TENM2: variants seen among roughly 807,000 people sequenced by gnomAD.
The protein encoded by TENM2 is teneurin transmembrane protein 2, also known as teneurin-2.
In TENM2, 52 loss-of-function variants were observed where a neutral mutation model predicts 245.2. The observed-to-expected ratio is 0.21, with a 90% confidence interval of 0.17 to 0.27. The LOEUF (loss-of-function observed/expected upper bound fraction) is 0.27, where lower values mean the gene tolerates loss of function less well. Among genes scored for constraint, TENM2 ranks in the 10% least tolerant of loss-of-function variants. The pLI, the probability that TENM2 is intolerant of heterozygous loss-of-function variation, is 1.00. For missense variants in TENM2, 3,046 were observed against 3,666.8 expected (o/e 0.83, Z 4.37); for synonymous variants, 1,363 against 1,438.9 (o/e 0.95, Z 1.19).
intron 3 of TENM2, among the ~76,000 whole-genome samples, chr5:167,925,938 C>T (rs1018996038): frequency 4.6e-5 from 7 of 152,090 alleles, no homozygotes; most frequent in Admixed American, 1.3e-4. Flanking sequence ...AAACAACAGA[C>T]GCTGGGGTCC....
intron 1 of TENM2, among the ~76,000 whole-genome samples, chr5:167,364,818 A>C (rs150045747): frequency 6.6e-6 from 1 of 152,124 alleles, no homozygotes; most frequent in Non-Finnish European, 1.5e-5. Flanking sequence ...GAAGGAATAA[A>C]AGACAAAGCA....
intron 2 of TENM2, among the ~76,000 whole-genome samples, chr5:167,523,134 C>G (rs753275659): frequency 1.3e-5 from 2 of 152,098 alleles, no homozygotes; most frequent in Non-Finnish European, 2.9e-5. Context: ...TAGGTCCCAG[C>G]CAGGTAATCC....
intron 2 of TENM2, among the ~76,000 whole-genome samples, chr5:167,383,180 A>G (rs1761193976): frequency 6.6e-6 from 1 of 152,152 alleles, no homozygotes; most frequent in Non-Finnish European, 1.5e-5. Context: ...AGGGATAGAA[A>G]TCAATAAATA....
the TENM2 span, among the ~76,000 whole-genome samples, chr5:167,179,863 G>T: frequency 6.6e-6 from 1 of 152,078 alleles, no homozygotes; most frequent in South Asian, 2.1e-4. Context: ...GATATTAGCT[G>T]CATGTGCAAA....
intron 2 of TENM2, among the ~76,000 whole-genome samples, chr5:167,566,805 CAG>C (rs1374871572): frequency 6.6e-6 from 1 of 152,152 alleles, no homozygotes; most frequent in Non-Finnish European, 1.5e-5. Flanking sequence ...CCATGGGAAG[CAG>C]AGATTTAAGG....
At chr5:167,866,354 T>G (rs1772321927) in intron 2 of TENM2, among the ~76,000 whole-genome samples, 1 of 151,990 alleles carries the variant, frequency 6.6e-6, no homozygotes, top group Non-Finnish European at 1.5e-5. Context: ...AAAAATTATC[T>G]GAATGTGGTG....
intron 2 of TENM2, among the ~76,000 whole-genome samples, chr5:167,641,303 G>A (rs923110814): frequency 2.6e-5 from 4 of 151,946 alleles, no homozygotes; most frequent in Non-Finnish European, 4.4e-5. Context: ...AATAAACCAC[G>A]GGGAGTAGTT....
intron 2 of TENM2, among the ~76,000 whole-genome samples, chr5:167,685,214 G>C (rs1756993245): frequency 6.6e-6 from 1 of 152,222 alleles, no homozygotes; most frequent in African/African-American, 2.4e-5. Context: ...GTTTAAGGGA[G>C]AAAATGAAAT....
chr5:168,097,598 G>T (rs531698309), intron 8 of TENM2, among the ~76,000 whole-genome samples: 2 of 52,714 alleles, frequency 3.8e-5, no homozygotes, highest in East Asian at 1.0e-3. Context: ...CTAATTGTGT[G>T]TGTGCGTGTG....
At chr5:167,745,085 C>T (rs772018643) in intron 2 of TENM2, among the ~76,000 whole-genome samples, 13 of 152,148 alleles carry the variant, frequency 8.5e-5, no homozygotes, top group Non-Finnish European at 1.8e-4. Flanking sequence ...CAGAACAGCA[C>T]GTCATATGAA....
intron 3 of TENM2, among the ~76,000 whole-genome samples, chr5:167,900,072 G>A (rs1037749949): frequency 3.4e-5 from 4 of 118,000 alleles, no homozygotes; most frequent in Non-Finnish European, 4.8e-5. Flanking sequence ...ATCTCATGCC[G>A]TTTCTTACAG....
chr5:168,218,430 A>G lies in TENM2; in HGVS notation c.4539A>G (p.Leu1513=). ...CAACCAACGGGGAGATCTGCCTTTT[A>G]GCTGGGGCAGCCTCGGACTGCGACT... Residue 1513 remains leucine, a synonymous_variant, in exon 23 of 29, where the codon TTA becomes TTG. Transcript: ENST00000518659. The surrounding 1 kb of genome is among the most constrained non-coding windows in gnomAD (Gnocchi z 5.2). 6.2e-7 allele frequency: 1 copy of G among 1,614,046 alleles called. No individual in the cohort carries two copies. The highest frequency in any genetic ancestry group is 8.5e-7 in the Non-Finnish European group (1 of 1,179,904).
In TENM2 at chr5:168,244,310, T is replaced by G; in HGVS notation, c.5521-110T>G. 1.1e-6 allele frequency: 1 copy of G among 881,594 alleles called. No homozygotes were observed. Among genetic ancestry groups the G allele is most frequent in the Non-Finnish European group, 1.6e-6 (1 of 625,958 alleles). 54.6% of individuals were successfully genotyped at this position (881,594 alleles called of 1,614,324 possible). On this transcript the variant is annotated intron_variant, in intron 25 of 28. Transcript: ENST00000518659. This position sits in a 1 kb window ranked among gnomAD's most constrained non-coding sequence, Gnocchi z 4.9. ...CTACTCTAACTTTGGGGTTATTTCTTCCTCCAGTGAACACTTAAGCCCTGG... is the reference window on the plus strand; with the variant it reads ...CTACTCTAACTTTGGGGTTATTTCTGCCTCCAGTGAACACTTAAGCCCTGG...
chr5:167,701,473 G>A (rs1192891787), intron 2 of TENM2, among the ~76,000 whole-genome samples: 1 of 151,760 alleles, frequency 6.6e-6, no homozygotes. Context: ...TTCTTACTCT[G>A]TATACCTTCT....
chr5:167,754,859 C>G (rs1036539553), intron 2 of TENM2: 112 of 583,188 alleles, frequency 1.9e-4, no homozygotes, highest in Non-Finnish European at 2.6e-4. Context: ...CAACTAATTC[C>G]TCAGGAACCT....
intron 1 of TENM2, among the ~76,000 whole-genome samples, chr5:167,347,847 C>T (rs1411004157): frequency 2.6e-5 from 4 of 152,148 alleles, no homozygotes; most frequent in African/African-American, 9.7e-5. Flanking sequence ...GGTACCTTCT[C>T]CCTTCATGGA....
At chr5:168,256,050 C>T (rs60173126) in intron 27 of TENM2, among the ~76,000 whole-genome samples, 6,326 of 151,932 alleles carry the variant, frequency 0.042, 179 homozygotes, top group African/African-American at 0.068. Flanking sequence ...GTGATCTGCC[C>T]GCCTCGGCCT....
chr5:167,083,719 T>C, the TENM2 span, among the ~76,000 whole-genome samples: 486 of 152,226 alleles, frequency 3.2e-3, 2 homozygotes, highest in African/African-American at 0.011. Context: ...GGAGAGGAAA[T>C]GTTACTGCCC....
chr5:167,349,714 T>A (rs1330938361), intron 1 of TENM2, among the ~76,000 whole-genome samples: 1 of 152,156 alleles, frequency 6.6e-6, no homozygotes, highest in Non-Finnish European at 1.5e-5. Context: ...AGCCTGTTAC[T>A]TTTTTAATTT....
Sources: allele counts gnomAD v4.1 joint callset (sites outside exome capture counted in the v4.1 genomes callset), GRCh38; gene constraint gnomAD v4.1.1; non-coding constraint Gnocchi (gnomAD v3.1); transcripts MANE v1.5; gene names NCBI Gene and HGNC (gene_info 2026-07-23, HGNC 2026-07-21).